Variants in MYRFL observed in about 807,000 individuals in gnomAD.
MYRFL encodes the protein myelin regulatory factor-like protein.
MYRFL carries 88 observed loss-of-function variants against 109.4 expected under a neutral mutation model. That is an observed-to-expected ratio of 0.80 (90% CI 0.68 to 0.96). The LOEUF is 0.96. Among genes scored for constraint, MYRFL ranks in the 40% least tolerant of loss-of-function variants. MYRFL has a pLI of 0.00. For synonymous variants in MYRFL, 324 were observed against 320.9 expected (o/e 1.01, Z -0.10); for missense variants, 957 against 954.9 (o/e 1.00, Z -0.03).
intron 5 of MYRFL, among the ~76,000 whole-genome samples, chr12:69,886,066 AAAAC>A (rs1886428695): frequency 1.3e-5 from 2 of 152,226 alleles, no homozygotes; most frequent in African/African-American, 4.8e-5. Flanking sequence ...GCAATGAACA[AAAAC>A]AAACCAAAAT....
intron 2 of MYRFL, among the ~76,000 whole-genome samples, chr12:69,874,256 A>G (rs918855880): frequency 6.6e-6 from 1 of 152,202 alleles, no homozygotes; most frequent in African/African-American, 2.4e-5. Flanking sequence ...TGGCTCACTC[A>G]AGCCTCATTC....
chr12:69,903,659 C>A lies in MYRFL; in HGVS notation c.1198C>A (p.Gln400Lys), dbSNP rs1391474107. 7 of 1,535,668 alleles carry A rather than the reference C, an allele frequency of 4.6e-6. No individual in the cohort carries two copies. The African/African-American group carries it at 9.6e-5, about 21-fold the overall frequency. The stretch of plus-strand genomic sequence containing the variant: ...ATTTTTCCAGGCCTCTAACCCTGGG[C>A]AGTTTGAAAATGACAGTGATGCATT... Reference protein sequence around the residue: ...RIIVRASNPGQFENDSDALWQ... With the variant: ...RIIVRASNPGKFENDSDALWQ... Residue 400 changes from glutamine to lysine, a missense_variant, in exon 11 of 25, where the codon CAG becomes AAG. Physicochemically the swap from Gln to Lys is moderately conservative, Grantham distance 53 (BLOSUM62 1). Transcript: ENST00000552032.
intron 1 of MYRFL, among the ~76,000 whole-genome samples, chr12:69,853,053 G>C (rs570782099): frequency 4.6e-5 from 7 of 152,122 alleles, no homozygotes; most frequent in Non-Finnish European, 8.8e-5. Flanking sequence ...TTTTCTGTTC[G>C]ACAAAACCAC....
At chr12:69,858,368 A>G (rs1884428196) in intron 2 of MYRFL, among the ~76,000 whole-genome samples, 1 of 151,960 alleles carries the variant, frequency 6.6e-6, no homozygotes, top group African/African-American at 2.4e-5. Context: ...CCCTTCTAAA[A>G]TTCGTTGGGA....
At chr12:69,831,164 TTAATG>T (rs1882608592) in intron 1 of MYRFL, among the ~76,000 whole-genome samples, 1 of 152,218 alleles carries the variant, frequency 6.6e-6, no homozygotes, top group Non-Finnish European at 1.5e-5. Context: ...TAAGCATCTC[TTAATG>T]TTAGTTATTC....
chr12:69,857,259 GATTACTGTACATGATCTTT>G (rs1884352986), intron 2 of MYRFL, among the ~76,000 whole-genome samples: 2 of 151,776 alleles, frequency 1.3e-5, no homozygotes, highest in Middle Eastern at 3.4e-3. Context: ...ACATTATCTT[GATTACTGTACATGATCTTT>G]ATTACTGTAC....
At chr12:69,873,343 G>A (rs771980070) in intron 2 of MYRFL, among the ~76,000 whole-genome samples, 31 of 152,270 alleles carry the variant, frequency 2.0e-4, no homozygotes, top group Non-Finnish European at 4.0e-4. Flanking sequence ...TGCAGCCCAC[G>A]GGTGGCGGGT....
In MYRFL at chr12:69,910,066, C is replaced by T. The variant is rs937668084; in HGVS notation, c.1481C>T (p.Ala494Val). ...GCATCTGCAATGGGAATAAACACTGCCCATCAAACAGGTACACACACAAAT... is the reference window on the plus strand; with the variant it reads ...GCATCTGCAATGGGAATAAACACTGTCCATCAAACAGGTACACACACAAAT... Reference protein sequence around the residue: ...EFASAMGINTAHQTGMIAQEV... With the variant: ...EFASAMGINTVHQTGMIAQEV... Residue 494 changes from alanine (A) to valine (V), a missense_variant, in exon 12 of 25, where the codon GCC becomes GTC. Transcript: ENST00000552032. The T allele has an allele frequency of 7.9e-6, 12 of 1,521,246 alleles. No homozygotes were observed. In the African/African-American group the frequency reaches 1.4e-4, roughly 18 times the overall value. 94.2% of individuals were successfully genotyped at this position (1,521,246 alleles called of 1,614,324 possible). A position where few individuals can be genotyped will look rare whatever the true frequency, so the allele number is the denominator to read the frequency against.
chr12:69,945,200 A>C (rs1347857037), intron 19 of MYRFL, among the ~76,000 whole-genome samples: 2 of 152,198 alleles, frequency 1.3e-5, no homozygotes, highest in Admixed American at 1.3e-4. Context: ...TTTAAAAATA[A>C]ATTTAGTATA....
chr12:69,861,053 C>T (rs1884629035), intron 2 of MYRFL, among the ~76,000 whole-genome samples: 2 of 149,604 alleles, frequency 1.3e-5, no homozygotes, highest in South Asian at 4.3e-4. Context: ...CAATTTCATC[C>T]ATGTCCCTAC....
intron 1 of MYRFL, among the ~76,000 whole-genome samples, chr12:69,835,769 G>A (rs1054089396): frequency 2.0e-5 from 3 of 152,196 alleles, no homozygotes; most frequent in Non-Finnish European, 4.4e-5. Context: ...AGGGGCAGTG[G>A]CTCGCTTCTT....
intron 1 of MYRFL, among the ~76,000 whole-genome samples, chr12:69,828,437 T>C (rs1250875775): frequency 6.6e-6 from 1 of 152,120 alleles, no homozygotes; most frequent in Non-Finnish European, 1.5e-5. Flanking sequence ...CCTGGTCCCT[T>C]CATTAATTAA....
At chr12:69,880,153 G>T in intron 4 of MYRFL, 48 bp from the exon 5 acceptor site, 2 of 695,510 alleles carry the variant, frequency 2.9e-6, no homozygotes, top group East Asian at 2.7e-5. Context: ...AACATAACAT[G>T]GAACACAAGG....
chr12:69,932,486 A>G, intron 15 of MYRFL, 27 bp from the exon 16 acceptor site: 2 of 1,464,660 alleles, frequency 1.4e-6, no homozygotes, highest in Non-Finnish European at 1.8e-6. Context: ...CTAATTTATC[A>G]CTGCTCATTA....
chr12:69,868,745 G>T (rs1885156984), intron 2 of MYRFL, among the ~76,000 whole-genome samples: 1 of 152,212 alleles, frequency 6.6e-6, no homozygotes, highest in African/African-American at 2.4e-5. Flanking sequence ...TCTAGATGGT[G>T]GTTACAAGCC....
chr12:69,939,873 G>A lies in MYRFL; in HGVS notation c.2224+3241G>A, dbSNP rs534246721. 1.1e-3 allele frequency among the ~76,000 whole-genome samples: 175 copies of A among 152,254 alleles called. 1 individual carries two copies. Among genetic ancestry groups the A allele is most frequent in the African/African-American group, 3.9e-3 (161 of 41,534 alleles). On this transcript the variant is annotated intron_variant, in intron 19 of 24. Coordinates refer to ENST00000552032, the MANE Select transcript of MYRFL (RefSeq NM_182530.3). ...AGGAGCTGATGGAGCTGAAAACCAA[G>A]GTTCGAGAACTACGTGAAGAATGCA...
chr12:69,879,590 C>A, intron 4 of MYRFL, 137 bp downstream of exon 4: 1 of 578,504 alleles, frequency 1.7e-6, no homozygotes. Flanking sequence ...TATAGGACAT[C>A]GCGAGGTCCC....
At chr12:69,911,586 T>A (rs1954575143) in intron 13 of MYRFL, among the ~76,000 whole-genome samples, 1 of 152,210 alleles carries the variant, frequency 6.6e-6, no homozygotes, top group African/African-American at 2.4e-5. Flanking sequence ...TTAGCTCGTC[T>A]TCATTTGGTA....
chr12:69,906,916 A>ATGC (rs1954381850), intron 11 of MYRFL, among the ~76,000 whole-genome samples: 6 of 152,228 alleles, frequency 3.9e-5, no homozygotes. Context: ...AGGCAGCATG[A>ATGC]TGCTGATGGC....
Sources: gnomAD v4.1 joint callset for allele counts (sites outside exome capture counted in the v4.1 genomes callset) on GRCh38, gnomAD v4.1.1 for gene constraint, MANE v1.5 for transcripts, NCBI Gene and HGNC (gene_info 2026-07-23, HGNC 2026-07-21) for gene names.